The following C4orf36 variants were observed in gnomAD, a reference collection of about 807,000 sequenced individuals.
C4orf36 encodes the protein chromosome 4 open reading frame 36.
Under a neutral mutation model 12.2 loss-of-function variants are expected in C4orf36, and 11 were observed. That is an observed-to-expected ratio of 0.90 (90% confidence interval 0.57 to 1.49). The LOEUF is 1.49. C4orf36 is among the 40% of genes most tolerant of loss of function. The pLI is 0.00. For synonymous variants in C4orf36, 54 were observed against 51.3 expected, an observed-to-expected ratio of 1.05 and a Z score of -0.22; for missense variants, 137 against 133.9, an observed-to-expected ratio of 1.02 and a Z score of -0.11.
At chr4:86,916,021 C>T in the C4orf36 span, among the ~76,000 whole-genome samples, 1 of 152,174 alleles carries the variant, frequency 6.6e-6, no homozygotes, top group African/African-American at 2.4e-5. Context: ...GCCTCCAGAA[C>T]TATGAGACAA....
chr4:86,886,331 C>G (rs1339209305), intron 4 of C4orf36: 1 of 152,084 alleles, frequency 6.6e-6, no homozygotes, highest in Non-Finnish European at 1.5e-5. Context: ...GAACAGGCAA[C>G]CTACAGAATG....
chr4:86,902,800 T>C, the C4orf36 span, among the ~76,000 whole-genome samples: 4 of 152,168 alleles, frequency 2.6e-5, no homozygotes, highest in East Asian at 3.8e-4. Context: ...TAACATCCTA[T>C]AGTTTATTAT....
the C4orf36 span, among the ~76,000 whole-genome samples, chr4:86,901,461 C>T: frequency 6.6e-6 from 1 of 151,466 alleles, no homozygotes; most frequent in African/African-American, 2.4e-5. Flanking sequence ...AGGCTGGAGT[C>T]CAGTGGCGCG....
chr4:86,895,889 T>G (rs187268533), upstream of C4orf36, among the ~76,000 whole-genome samples: 31 of 152,344 alleles, frequency 2.0e-4, no homozygotes, highest in East Asian at 5.4e-3. Context: ...TGCCAGAAAG[T>G]AAGCAAGTAT....
At chr4:86,882,505 C>A (rs1481817224) in intron 4 of C4orf36, among the ~76,000 whole-genome samples, 1 of 152,156 alleles carries the variant, frequency 6.6e-6, no homozygotes, top group Non-Finnish European at 1.5e-5. Context: ...CACACTCTTG[C>A]TAAATTCCAT....
At chr4:86,884,471 AT>A in intron 4 of C4orf36, among the ~76,000 whole-genome samples, 1 of 151,912 alleles carries the variant, frequency 6.6e-6, no homozygotes, top group African/African-American at 2.4e-5. Flanking sequence ...TGTTCAGCTA[AT>A]TTTTTAATTT....
chr4:86,929,556 TTCAG>T, the C4orf36 span, among the ~76,000 whole-genome samples: 1 of 152,104 alleles, frequency 6.6e-6, no homozygotes, highest in African/African-American at 2.4e-5. Flanking sequence ...GCTCACCTGG[TTCAG>T]TCAGACCCAA....
chr4:86,932,933 A>G, the C4orf36 span, among the ~76,000 whole-genome samples: 1 of 152,230 alleles, frequency 6.6e-6, no homozygotes, highest in South Asian at 2.1e-4. Context: ...AATTCTTGTA[A>G]GGAAGATGAT....
intron 2 of C4orf36, among the ~76,000 whole-genome samples, chr4:86,891,072 A>AT (rs889899630): frequency 1.3e-5 from 2 of 152,138 alleles, no homozygotes; most frequent in African/African-American, 2.4e-5. Flanking sequence ...ACACCAGGGC[A>AT]TTTTTTTGGT....
At chr4:86,887,732 G>C in intron 4 of C4orf36, 26 bp downstream of exon 4, 1 of 1,613,870 alleles carries the variant, frequency 6.2e-7, no homozygotes, top group Non-Finnish European at 8.5e-7. Context: ...GCAAGACACA[G>C]AGTACAGATT....
the C4orf36 span, among the ~76,000 whole-genome samples, chr4:86,932,739 C>G: frequency 8.7e-6 from 1 of 115,514 alleles, no homozygotes; most frequent in Admixed American, 1.4e-4. Flanking sequence ...AAAGTCCCAT[C>G]ATCATATTTA....
chr4:86,913,413 C>T, the C4orf36 span: 22 of 742,208 alleles, frequency 3.0e-5, no homozygotes, highest in African/African-American at 1.0e-4. Context: ...TCTCCAACAC[C>T]GTGTTGCGGT....
In C4orf36 at chr4:86,888,234, G is replaced by C. The variant is rs1550931; in HGVS notation, c.107C>G (p.Ser36Cys). Residue 36 changes from serine (S) to cysteine (C), a missense_variant, in exon 3 of 5, where the codon TCC (serine) becomes TGC (cysteine). Coordinates refer to ENST00000295898, the MANE Select transcript of C4orf36 (RefSeq NM_144645.4). ...WDIALLAKTW[S>C]TNLANIKLPF... ...CAACTTGATATTGGCTAGGTTTGTG[G>C]ACCAGGTCTTTGCAAGCAATGCAAT... The C allele has an allele frequency of 4.3e-6, 7 of 1,614,028 alleles. 1 individual carries two copies. The African/African-American group carries it at 6.7e-5, about 15-fold the overall frequency.
At chr4:86,907,090 T>G in the C4orf36 span, among the ~76,000 whole-genome samples, 3 of 152,092 alleles carry the variant, frequency 2.0e-5, no homozygotes, top group Middle Eastern at 3.4e-3. Flanking sequence ...AGAATCAGCT[T>G]TTTACAAGTA....
intron 4 of C4orf36, 38 bp from the exon 5 acceptor site, chr4:86,876,481 A>G (rs1746931980): frequency 1.2e-6 from 2 of 1,613,542 alleles, no homozygotes; most frequent in Admixed American, 3.3e-5. Flanking sequence ...ATTTTATTTT[A>G]TCATCCAAAT....
the C4orf36 span, among the ~76,000 whole-genome samples, chr4:86,922,545 C>T: frequency 6.6e-6 from 1 of 152,274 alleles, no homozygotes; most frequent in Admixed American, 6.5e-5. Context: ...CAATGTTAGG[C>T]TTATCAGCAG....
chr4:86,912,155 G>A, the C4orf36 span, among the ~76,000 whole-genome samples: 135 of 152,156 alleles, frequency 8.9e-4, no homozygotes, highest in East Asian at 3.9e-4. Flanking sequence ...GATTACAGGC[G>A]TGAGCCACTG....
the C4orf36 span, among the ~76,000 whole-genome samples, chr4:86,907,029 G>T: frequency 7.7e-4 from 105 of 135,868 alleles, 1 homozygote; most frequent in African/African-American, 2.4e-3. Context: ...GACAGAGCAA[G>T]ACTCCATCTC....
chr4:86,887,402 C>A, intron 4 of C4orf36: 1 of 181,298 alleles, frequency 5.5e-6, no homozygotes, highest in Non-Finnish European at 1.1e-5. Flanking sequence ...CTTTTGGTCC[C>A]TCCTTGGGAT....
Sources: gnomAD v4.1 joint callset for allele counts (sites outside exome capture counted in the v4.1 genomes callset) on GRCh38, gnomAD v4.1.1 for gene constraint, MANE v1.5 for transcripts, NCBI Gene and HGNC (gene_info 2026-07-23, HGNC 2026-07-21) for gene names.